Variants in CACNB2 observed in about 807,000 individuals in gnomAD.
CACNB2 encodes the protein calcium voltage-gated channel auxiliary subunit beta 2.
CACNB2 carries 42 observed loss-of-function variants against 73.3 expected under a neutral mutation model. That is an observed-to-expected ratio of 0.57 (90% confidence interval 0.45 to 0.74). The LOEUF (loss-of-function observed/expected upper bound fraction) is 0.74. CACNB2 is among the 30% of genes least tolerant of loss of function. The pLI, the probability that CACNB2 is intolerant of heterozygous loss-of-function variation, is 0.00. For synonymous variants in CACNB2, 348 were observed against 310.3 expected, an observed-to-expected ratio of 1.12 and a Z score of -1.28; for missense variants, 940 against 853.0, an observed-to-expected ratio of 1.10 and a Z score of -1.27.
At chr10:18,420,854 C>A (rs976409864) in intron 3 of CACNB2, among the ~76,000 whole-genome samples, 2 of 152,076 alleles carry the variant, frequency 1.3e-5, no homozygotes, top group African/African-American at 2.4e-5. Context: ...CCAGGAAATA[C>A]AAGAAGAACT....
At chr10:18,338,040 G>C (rs1040270272) in intron 2 of CACNB2, among the ~76,000 whole-genome samples, 3 of 151,972 alleles carry the variant, frequency 2.0e-5, no homozygotes, top group South Asian at 2.1e-4. Flanking sequence ...CAAAAGCTCA[G>C]GCAACAAAAA....
intron 2 of CACNB2, among the ~76,000 whole-genome samples, chr10:18,346,974 C>T (rs967460964): frequency 3.9e-5 from 6 of 152,080 alleles, no homozygotes; most frequent in African/African-American, 1.4e-4. Context: ...AATTGTGCTG[C>T]CAACACACAA....
In CACNB2 at chr10:18,539,871, A is replaced by G; in HGVS notation, c.*147A>G. ...GTATTATTGCTGTTGCTTGAATAGC[A>G]ATAGCATGGATAGAGTATTGAGATA... On this transcript the variant is annotated 3_prime_UTR_variant, in exon 14 of 14. Transcript: ENST00000324631. 3 of 851,876 alleles carry G rather than the reference A, an allele frequency of 3.5e-6. No individual in the cohort carries two copies. The highest frequency in any genetic ancestry group is 5.4e-6 in the Non-Finnish European group (3 of 558,934). The allele number at this position is 851,876 out of a possible 1,614,324, so 52.8% of individuals were successfully genotyped here.
chr10:18,146,672 G>T (rs2031022044), intron 1 of CACNB2, among the ~76,000 whole-genome samples: 1 of 152,036 alleles, frequency 6.6e-6, no homozygotes, highest in Non-Finnish European at 1.5e-5. Flanking sequence ...TAGAGATGGG[G>T]TTTCACCATG....
chr10:18,145,459 A>G (rs1435532212), intron 1 of CACNB2, among the ~76,000 whole-genome samples: 1 of 152,108 alleles, frequency 6.6e-6, no homozygotes, highest in East Asian at 1.9e-4. Context: ...CAGACATGCC[A>G]ATCAGAATTT....
chr10:18,276,808 A>C (rs962743315), intron 2 of CACNB2, among the ~76,000 whole-genome samples: 1 of 151,858 alleles, frequency 6.6e-6, no homozygotes, highest in Non-Finnish European at 1.5e-5. Context: ...TGAACTCCTG[A>C]CCTCAGACAG....
chr10:18,473,260 C>A (rs1309068793), intron 3 of CACNB2, among the ~76,000 whole-genome samples: 1 of 152,158 alleles, frequency 6.6e-6, no homozygotes, highest in Non-Finnish European at 1.5e-5. Context: ...TATGACCCAT[C>A]TGCAGTGGAA....
intron 2 of CACNB2, among the ~76,000 whole-genome samples, chr10:18,155,117 T>C (rs2031937203): frequency 6.6e-6 from 1 of 152,170 alleles, no homozygotes; most frequent in African/African-American, 2.4e-5. Flanking sequence ...TGGTGAGTTG[T>C]CATAAGGTCA....
intron 7 of CACNB2, among the ~76,000 whole-genome samples, chr10:18,516,647 G>A (rs2051310030): frequency 6.6e-6 from 1 of 152,168 alleles, no homozygotes; most frequent in Non-Finnish European, 1.5e-5. Context: ...CTTCGGCACT[G>A]GTATTCATTC....
rs184862719 is a variant in CACNB2, at chr10:18,350,155, G to T, written c.214-51769G>T. 5.9e-5 allele frequency among the ~76,000 whole-genome samples: 9 copies of T among 152,300 alleles called. No individual in the cohort carries two copies. In the East Asian group the frequency reaches 1.5e-3, roughly 26 times the overall value. On this transcript the variant is annotated intron_variant, in intron 2 of 13. Transcript: ENST00000324631. ...AGCTACTCAGGAGGGTGAGGCAGGA[G>T]AATCGCTTGAACCCAGGAGATGGAG...
intron 2 of CACNB2, among the ~76,000 whole-genome samples, chr10:18,360,324 C>T (rs1429444680): frequency 6.6e-6 from 1 of 152,112 alleles, no homozygotes; most frequent in Non-Finnish European, 1.5e-5. Context: ...AACTCCTGGG[C>T]TCAAGCGATC....
At chr10:18,221,992 C>A (rs551250291) in intron 2 of CACNB2, among the ~76,000 whole-genome samples, 11 of 152,308 alleles carry the variant, frequency 7.2e-5, no homozygotes, top group African/African-American at 2.4e-4. Context: ...AGGATTTCAC[C>A]ATTATGCAGT....
At chr10:18,366,778 C>T (rs896041817) in intron 2 of CACNB2, among the ~76,000 whole-genome samples, 2 of 147,206 alleles carry the variant, frequency 1.4e-5, no homozygotes, top group Admixed American at 6.8e-5. Context: ...GGCAACAAAG[C>T]GAGACTCCGT....
At chr10:18,210,444 A>G (rs977273913) in intron 2 of CACNB2, among the ~76,000 whole-genome samples, 3 of 151,942 alleles carry the variant, frequency 2.0e-5, no homozygotes, top group African/African-American at 4.8e-5. Context: ...TTTTTTTCCC[A>G]TAGGCCTTAG....
chr10:18,142,339 C>T (rs986772402), intron 1 of CACNB2, among the ~76,000 whole-genome samples: 3 of 152,156 alleles, frequency 2.0e-5, no homozygotes, highest in South Asian at 2.1e-4. Context: ...CTTCACAAGC[C>T]GAGTAGGGAC....
intron 4 of CACNB2, among the ~76,000 whole-genome samples, chr10:18,499,490 C>T (rs930062627): frequency 1.3e-5 from 2 of 151,900 alleles, no homozygotes; most frequent in Non-Finnish European, 2.9e-5. Context: ...TGGCACATGC[C>T]TGTAATCTCA....
At chr10:18,268,223 A>G (rs1396514731) in intron 2 of CACNB2, among the ~76,000 whole-genome samples, 2 of 152,234 alleles carry the variant, frequency 1.3e-5, no homozygotes, top group African/African-American at 4.8e-5. Context: ...TTCATGAAGC[A>G]ATTACTGAGT....
chr10:18,442,306 C>T (rs560703804), intron 3 of CACNB2, among the ~76,000 whole-genome samples: 17 of 151,994 alleles, frequency 1.1e-4, no homozygotes, highest in Middle Eastern at 3.4e-3. Context: ...CCTGCAACCA[C>T]GCCCAGCCAA....
intron 6 of CACNB2, among the ~76,000 whole-genome samples, chr10:18,507,066 T>C (rs754371142): frequency 2.6e-5 from 4 of 152,262 alleles, no homozygotes; most frequent in Non-Finnish European, 5.9e-5. Flanking sequence ...CCCAAAGTGC[T>C]GGGTTTACAG....
Sources: gnomAD v4.1 joint callset for allele counts (sites outside exome capture counted in the v4.1 genomes callset) on GRCh38, gnomAD v4.1.1 for gene constraint, MANE v1.5 for transcripts, NCBI Gene and HGNC (gene_info 2026-07-23, HGNC 2026-07-21) for gene names.